The following TTC28 variants were observed in gnomAD, a reference collection of about 807,000 sequenced individuals.
TTC28 encodes the protein tetratricopeptide repeat protein 28.
In TTC28, 61 loss-of-function variants were observed where a neutral mutation model predicts 198.0. That is an observed-to-expected ratio of 0.31 (90% CI 0.25 to 0.38). The LOEUF (loss-of-function observed/expected upper bound fraction) is 0.38. Ranked by LOEUF, TTC28 falls within the 10% of genes least tolerant of loss-of-function variation. The pLI is 1.00. For synonymous variants in TTC28, 1,171 were observed against 1,297.8 expected (o/e 0.90, Z 2.10); for missense variants, 2,678 against 3,164.0 (o/e 0.85, Z 3.69).
At chr22:28,101,149 T>C in intron 9 of TTC28, 22 bp downstream of exon 9, 1 of 1,523,198 alleles carries the variant, frequency 6.6e-7, no homozygotes, top group Non-Finnish European at 8.9e-7. Context: ...AAAAATCCAC[T>C]TCAGTCAGGG....
intron 12 of TTC28, among the ~76,000 whole-genome samples, chr22:28,044,510 T>A (rs1939785786): frequency 6.6e-6 from 1 of 152,176 alleles, no homozygotes; most frequent in Non-Finnish European, 1.5e-5. Flanking sequence ...TGTGCAGGTT[T>A]GTTACATATG....
At chr22:28,307,024 C>T (rs2045160307) in intron 2 of TTC28, among the ~76,000 whole-genome samples, 1 of 152,064 alleles carries the variant, frequency 6.6e-6, no homozygotes. Flanking sequence ...TAGTACAGTG[C>T]AAAAATAAAT....
intron 17 of TTC28, 90 bp downstream of exon 17, chr22:27,996,045 C>T: frequency 6.8e-7 from 1 of 1,477,352 alleles, no homozygotes; most frequent in Non-Finnish European, 9.0e-7. Flanking sequence ...TCTCCAACTG[C>T]TCACATCCCC....
intron 5 of TTC28, among the ~76,000 whole-genome samples, chr22:28,166,361 C>T (rs1921950247): frequency 6.6e-6 from 1 of 152,216 alleles, no homozygotes; most frequent in African/African-American, 2.4e-5. Context: ...CCCAAATCAA[C>T]AGAATATACA....
intron 3 of TTC28, among the ~76,000 whole-genome samples, chr22:28,301,800 C>A (rs2045033177): frequency 1.3e-5 from 2 of 152,174 alleles, no homozygotes; most frequent in African/African-American, 2.4e-5. Context: ...GTAATCCCAG[C>A]ACTTTGGGAG....
chr22:28,220,290 A>G (rs1316518519), intron 5 of TTC28, among the ~76,000 whole-genome samples: 1 of 152,206 alleles, frequency 6.6e-6, no homozygotes, highest in Non-Finnish European at 1.5e-5. Flanking sequence ...CTGAGTAACA[A>G]TATTTCCACA....
chr22:28,614,081 G>A (rs998464369), intron 2 of TTC28, among the ~76,000 whole-genome samples: 2 of 152,174 alleles, frequency 1.3e-5, no homozygotes, highest in Non-Finnish European at 2.9e-5. Context: ...AAGCTGATAA[G>A]CAACTTCAGC....
intron 1 of TTC28, among the ~76,000 whole-genome samples, chr22:28,662,062 TAAAG>T (rs1269047376): frequency 2.0e-5 from 3 of 152,168 alleles, no homozygotes; most frequent in African/African-American, 7.2e-5. Flanking sequence ...TTTCAATACA[TAAAG>T]AAATTACACT....
intron 2 of TTC28, among the ~76,000 whole-genome samples, chr22:28,611,694 T>C (rs1380506147): frequency 4.6e-5 from 6 of 129,118 alleles, no homozygotes; most frequent in African/African-American, 1.7e-4. Flanking sequence ...GAGTGTGATA[T>C]TCCCCTTCCT....
intron 18 of TTC28, 92 bp from the exon 19 acceptor site, chr22:27,992,755 G>C: frequency 8.1e-7 from 1 of 1,227,860 alleles, no homozygotes; most frequent in Non-Finnish European, 1.1e-6. Context: ...CTAAATCCTT[G>C]GCATCGGTGG....
chr22:28,472,765 G>A (rs547591307), intron 2 of TTC28, among the ~76,000 whole-genome samples: 70 of 152,142 alleles, frequency 4.6e-4, no homozygotes, highest in African/African-American at 1.6e-3. Context: ...AATTCCCAAA[G>A]GACACTGTTT....
At chr22:28,422,314 T>C in intron 2 of TTC28, among the ~76,000 whole-genome samples, 1 of 152,200 alleles carries the variant, frequency 6.6e-6, no homozygotes, top group Non-Finnish European at 1.5e-5. Flanking sequence ...GAATGGCTTT[T>C]TTGAACCTAC....
chr22:28,037,121 T>C (rs1939391368), intron 12 of TTC28, among the ~76,000 whole-genome samples: 1 of 152,210 alleles, frequency 6.6e-6, no homozygotes, highest in Non-Finnish European at 1.5e-5. Context: ...CTTCTGAAAC[T>C]ATTCCAATCA....
chr22:27,997,112 G>C (rs1057201862), intron 16 of TTC28, among the ~76,000 whole-genome samples: 2 of 152,212 alleles, frequency 1.3e-5, no homozygotes, highest in African/African-American at 4.8e-5. Context: ...GGACTTGTGT[G>C]ATGAGGACAA....
chr22:28,645,941 T>C (rs2051458483), intron 1 of TTC28, among the ~76,000 whole-genome samples: 1 of 152,078 alleles, frequency 6.6e-6, no homozygotes, highest in Admixed American at 6.6e-5. Context: ...TAAAAGCATG[T>C]ATGATAAACT....
intron 2 of TTC28, among the ~76,000 whole-genome samples, chr22:28,426,303 AAAC>A (rs887238060): frequency 6.6e-6 from 1 of 152,152 alleles, no homozygotes; most frequent in African/African-American, 2.4e-5. Context: ...TGGGGGTGGA[AAAC>A]AACAACAAAA....
chr22:28,491,681 C>A (rs2048381046), intron 2 of TTC28, among the ~76,000 whole-genome samples: 1 of 152,138 alleles, frequency 6.6e-6, no homozygotes, highest in Non-Finnish European at 1.5e-5. Context: ...ACTAGTTCAA[C>A]CATTGTGGAA....
intron 15 of TTC28, 197 bp downstream of exon 15, chr22:28,001,177 C>A (rs1937670688): frequency 1.6e-6 from 1 of 612,766 alleles, no homozygotes. Context: ...AAAGAATGGC[C>A]AGGGGTCATG....
chr22:28,019,591 G>C (rs1428830845), intron 13 of TTC28, among the ~76,000 whole-genome samples: 1 of 152,238 alleles, frequency 6.6e-6, no homozygotes, highest in Non-Finnish European at 1.5e-5. Context: ...TGGAGTGTGA[G>C]GGATGACCTG....
Sources: gnomAD v4.1 joint callset for allele counts (sites outside exome capture counted in the v4.1 genomes callset) on GRCh38, gnomAD v4.1.1 for gene constraint, MANE v1.5 for transcripts, NCBI Gene and HGNC (gene_info 2026-07-23, HGNC 2026-07-21) for gene names.